AOPEP: variants seen among roughly 807,000 people sequenced by gnomAD.
AOPEP encodes the protein aminopeptidase O.
In AOPEP, 77 loss-of-function variants were observed where a neutral mutation model predicts 98.1. The observed-to-expected ratio is 0.78, with a 90% CI of 0.65 to 0.95. The LOEUF (loss-of-function observed/expected upper bound fraction) is 0.95. AOPEP is among the 40% of genes least tolerant of loss of function. The pLI is 0.00. For synonymous variants in AOPEP, 346 were observed against 365.3 expected (o/e 0.95, Z 0.60); for missense variants, 1,024 against 1,024.7 (o/e 1.00, Z 0.01).
At chr9:94,857,865 G>C (rs1357387783) in intron 5 of AOPEP, among the ~76,000 whole-genome samples, 3 of 152,180 alleles carry the variant, frequency 2.0e-5, no homozygotes, top group East Asian at 3.8e-4. Context: ...CATTTTGGAA[G>C]CTATGTTAAG....
At chr9:94,774,391 ATAAAT>A (rs1026514980) in intron 3 of AOPEP, among the ~76,000 whole-genome samples, 2 of 151,768 alleles carry the variant, frequency 1.3e-5, no homozygotes, top group South Asian at 4.2e-4. Context: ...AAAACTAAAA[ATAAAT>A]TAAAAAAATT....
chr9:95,048,095 A>C (rs528563364), intron 13 of AOPEP, among the ~76,000 whole-genome samples: 1 of 152,242 alleles, frequency 6.6e-6, no homozygotes, highest in Admixed American at 6.5e-5. Flanking sequence ...GGAGGGACCA[A>C]ACTTAAAAAT....
the AOPEP span, among the ~76,000 whole-genome samples, chr9:95,104,261 C>T: frequency 4.6e-5 from 7 of 152,390 alleles, no homozygotes; most frequent in African/African-American, 1.4e-4. Flanking sequence ...GGTTTCAAAA[C>T]ATCCGAAAGG....
chr9:94,791,439 G>T (rs752225695), intron 3 of AOPEP, among the ~76,000 whole-genome samples: 5 of 151,912 alleles, frequency 3.3e-5, no homozygotes, highest in Admixed American at 1.3e-4. Flanking sequence ...AGGCCAAGGT[G>T]GGAGGACTGC....
chr9:94,877,225 A>G lies in AOPEP; in HGVS notation c.1365-46761A>G, dbSNP rs1588665289. Among the ~76,000 whole-genome samples the G allele has an allele frequency of 4.6e-5, 7 of 152,298 alleles. 1 individual carries two copies. The highest frequency in any genetic ancestry group is 3.9e-4 in the Admixed American group (6 of 15,304). The stretch of plus-strand genomic sequence containing the variant: ...GAAGCAGATTTTCCTCAGACCCAAT[A>G]GAAGCCCATGGGGATTGGAAAAGAG... On this transcript the variant is annotated intron_variant, in intron 5 of 16. Transcript: ENST00000375315.
intron 5 of AOPEP, among the ~76,000 whole-genome samples, chr9:94,829,791 G>A (rs1352635162): frequency 2.0e-5 from 3 of 152,146 alleles, no homozygotes; most frequent in African/African-American, 7.2e-5. Context: ...AATAGGGAGG[G>A]AACAAATGCC....
chr9:95,110,666 G>GA, the AOPEP span: 41 of 1,050,038 alleles, frequency 3.9e-5, no homozygotes, highest in South Asian at 5.0e-4. Context: ...TCAAACAACA[G>GA]AAAATGCCAA....
chr9:95,083,414 G>C (rs2070111544), intron 16 of AOPEP, among the ~76,000 whole-genome samples: 1 of 144,950 alleles, frequency 6.9e-6, no homozygotes, highest in African/African-American at 2.6e-5. Context: ...GCACCACGCA[G>C]AGCACACACG....
chr9:94,905,603 T>C (rs764346897), intron 5 of AOPEP, among the ~76,000 whole-genome samples: 18 of 152,204 alleles, frequency 1.2e-4, no homozygotes, highest in Non-Finnish European at 2.1e-4. Context: ...TACCTTCCTG[T>C]ACATATCATG....
intron 5 of AOPEP, among the ~76,000 whole-genome samples, chr9:94,853,312 T>G (rs2135234054): frequency 1.3e-5 from 2 of 152,114 alleles, no homozygotes; most frequent in Admixed American, 1.3e-4. Context: ...ATACAAAAAT[T>G]AGCCGGGTGT....
the AOPEP span, among the ~76,000 whole-genome samples, chr9:95,105,182 T>G: frequency 6.6e-6 from 1 of 152,200 alleles, no homozygotes; most frequent in Admixed American, 6.5e-5. Flanking sequence ...AGGCACAGCC[T>G]GGGCCCACTC....
intron 5 of AOPEP, among the ~76,000 whole-genome samples, chr9:94,884,144 G>A (rs528764334): frequency 6.6e-6 from 1 of 152,282 alleles, no homozygotes; most frequent in South Asian, 2.1e-4. Flanking sequence ...CCAATCCGAA[G>A]CCTTTGCCCT....
chr9:95,013,147 C>T (rs1157866991), intron 13 of AOPEP, among the ~76,000 whole-genome samples: 1 of 151,824 alleles, frequency 6.6e-6, no homozygotes, highest in Non-Finnish European at 1.5e-5. Flanking sequence ...CTCAGTAGGC[C>T]AATTAAACCC....
downstream of AOPEP, among the ~76,000 whole-genome samples, chr9:95,089,890 C>T (rs549889866): frequency 1.6e-4 from 24 of 152,264 alleles, no homozygotes; most frequent in African/African-American, 5.3e-4. Context: ...GAACAACCTT[C>T]TTTACCAACA....
intron 9 of AOPEP, among the ~76,000 whole-genome samples, chr9:94,962,585 G>T (rs549090508): frequency 1.7e-4 from 26 of 152,166 alleles, no homozygotes; most frequent in Non-Finnish European, 3.7e-4. Context: ...GTGTTTTTGT[G>T]TAAATTGCTA....
At chr9:95,105,425 T>G in the AOPEP span, among the ~76,000 whole-genome samples, 2 of 152,224 alleles carry the variant, frequency 1.3e-5, no homozygotes, top group Non-Finnish European at 2.9e-5. Context: ...TGTATGTATA[T>G]GTCAACAAAA....
At position 94,760,447 on chromosome 9, in the gene AOPEP, A is replaced by G; in HGVS notation, c.664A>G (p.Thr222Ala). Residue 222 changes from threonine to alanine, a missense_variant, in exon 2 of 17, where the codon ACT (threonine) becomes GCT (alanine). Transcript: ENST00000375315. ...TGGCTGTGGGGAACTCCTCTTTGAC[A>G]CTGACACTTGGAGCTTGCAGATAAG... ...APGCGELLFD[T>A]DTWSLQIRKT... 1.2e-6 allele frequency: 2 copies of G among 1,613,806 alleles called. No individual in the cohort carries two copies. Among genetic ancestry groups the G allele is most frequent in the Non-Finnish European group, 1.7e-6 (2 of 1,179,858 alleles).
chr9:95,086,187 G>A (rs1189351890), intron 16 of AOPEP: 22 of 1,309,688 alleles, frequency 1.7e-5, no homozygotes, highest in East Asian at 5.3e-5. Flanking sequence ...TCCACCCTGC[G>A]TCCACCCCGG....
chr9:94,966,398 A>G (rs2059202968), intron 9 of AOPEP, among the ~76,000 whole-genome samples: 1 of 152,190 alleles, frequency 6.6e-6, no homozygotes, highest in Non-Finnish European at 1.5e-5. Context: ...GGGTGTCATC[A>G]GAGTCTTGTG....
Sources: allele counts gnomAD v4.1 joint callset (sites outside exome capture counted in the v4.1 genomes callset), GRCh38; gene constraint gnomAD v4.1.1; transcripts MANE v1.5; gene names NCBI Gene and HGNC (gene_info 2026-07-23, HGNC 2026-07-21).